Variants in TP73 observed in about 807,000 individuals in gnomAD.
TP73 encodes tumor protein p73, also known as p53-like transcription factor.
In TP73, 25 loss-of-function variants were observed where a neutral mutation model predicts 62.5. The ratio of observed to expected loss-of-function variants is 0.40; its 90% confidence interval spans 0.29 to 0.56. The LOEUF is 0.56. TP73 is among the 20% of genes least tolerant of loss of function. The pLI is 0.46. For synonymous variants in TP73, 423 were observed against 377.5 expected (o/e 1.12, Z -1.40); for missense variants, 754 against 913.3 (o/e 0.83, Z 2.25).
intron 1 of TP73, among the ~76,000 whole-genome samples, chr1:3,673,427 C>T (rs530018507): frequency 2.3e-4 from 35 of 152,296 alleles, no homozygotes; most frequent in Non-Finnish European, 4.0e-4. Flanking sequence ...TATGGGGCAT[C>T]CACGGTGTGC....
intron 1 of TP73, among the ~76,000 whole-genome samples, chr1:3,653,898 C>T (rs1318549640): frequency 2.6e-5 from 4 of 152,214 alleles, no homozygotes; most frequent in African/African-American, 7.2e-5. Flanking sequence ...TGGCTGGGCA[C>T]GGTAGCTCAC....
At chr1:3,718,129 C>A (rs1023122566) in intron 4 of TP73, among the ~76,000 whole-genome samples, 2 of 152,214 alleles carry the variant, frequency 1.3e-5, no homozygotes, top group Non-Finnish European at 2.9e-5. Context: ...CCAGTCCGAG[C>A]CCCCACTTCC....
At chr1:3,726,803 A>C (rs1641669238) in intron 6 of TP73, among the ~76,000 whole-genome samples, 1 of 135,566 alleles carries the variant, frequency 7.4e-6, no homozygotes, top group Admixed American at 7.4e-5. Context: ...GGTAGATAAT[A>C]AATGGGGGAG....
intron 9 of TP73, 47 bp downstream of exon 9, chr1:3,728,264 T>A: frequency 6.3e-7 from 1 of 1,582,296 alleles, no homozygotes. Context: ...GCCTCACCTC[T>A]GTCGTCTGCT....
chr1:3,704,738 G>A (rs1557539616), intron 3 of TP73, among the ~76,000 whole-genome samples: 1 of 152,184 alleles, frequency 6.6e-6, no homozygotes. Flanking sequence ...TGAGGAGTCT[G>A]GGAGCCGGGG....
chr1:3,686,920 G>A (rs974806123), intron 3 of TP73, among the ~76,000 whole-genome samples: 2 of 152,184 alleles, frequency 1.3e-5, no homozygotes, highest in Non-Finnish European at 2.9e-5. Context: ...ATGTCCAGTG[G>A]TGCCGGGCCC....
At chr1:3,728,728 A>G (rs1338874886) in intron 9 of TP73, among the ~76,000 whole-genome samples, 1 of 152,238 alleles carries the variant, frequency 6.6e-6, no homozygotes, top group Non-Finnish European at 1.5e-5. Flanking sequence ...TAATCCCGGC[A>G]TTTTGGGAGG....
intron 9 of TP73, 83 bp from the exon 10 acceptor site, chr1:3,729,244 C>T (rs1570642829): frequency 2.5e-6 from 4 of 1,581,086 alleles, no homozygotes; most frequent in East Asian, 4.5e-5. Flanking sequence ...CTTTGCCAAG[C>T]CCAGGTCCTC....
chr1:3,654,358 C>T (rs964991448), intron 1 of TP73, among the ~76,000 whole-genome samples: 22 of 152,092 alleles, frequency 1.4e-4, no homozygotes, highest in African/African-American at 4.6e-4. Context: ...CTCGTGAAAG[C>T]TACAGCGAAC....
At chr1:3,688,925 G>A (rs186188699) in intron 3 of TP73, among the ~76,000 whole-genome samples, 21 of 152,258 alleles carry the variant, frequency 1.4e-4, no homozygotes, top group African/African-American at 2.2e-4. Context: ...CCATCAGGCC[G>A]GCCCTGTGCA....
chr1:3,686,362 G>A (rs1455911652), intron 3 of TP73, among the ~76,000 whole-genome samples: 1 of 152,216 alleles, frequency 6.6e-6, no homozygotes, highest in Non-Finnish European at 1.5e-5. Flanking sequence ...CGGAGCAGGT[G>A]GTTTCAAGCT....
intron 1 of TP73, among the ~76,000 whole-genome samples, chr1:3,655,952 T>C (rs984690536): frequency 6.6e-6 from 1 of 151,912 alleles, no homozygotes; most frequent in Non-Finnish European, 1.5e-5. Flanking sequence ...CTGAGGCGGG[T>C]GGATCACGAG....
intron 3 of TP73, among the ~76,000 whole-genome samples, chr1:3,687,404 G>A (rs946065639): frequency 2.0e-5 from 3 of 152,218 alleles, no homozygotes; most frequent in Admixed American, 2.0e-4. Flanking sequence ...AAGCTCCCTC[G>A]TAGGCTCGCA....
At chr1:3,678,961 A>G (rs1171287210) in intron 1 of TP73, among the ~76,000 whole-genome samples, 1 of 152,074 alleles carries the variant, frequency 6.6e-6, no homozygotes, top group Non-Finnish European at 1.5e-5. Context: ...CCCACCCCAC[A>G]TGCTCCTGGT....
chr1:3,658,405 C>T (rs1008975821), intron 1 of TP73, among the ~76,000 whole-genome samples: 2 of 152,192 alleles, frequency 1.3e-5, no homozygotes, highest in Admixed American at 1.3e-4. Context: ...GGAGACTCAG[C>T]AGTAACCAGA....
chr1:3,677,903 C>T (rs966996955), intron 1 of TP73, among the ~76,000 whole-genome samples: 3 of 152,072 alleles, frequency 2.0e-5, no homozygotes, highest in African/African-American at 7.2e-5. Flanking sequence ...TGAGGTCTCC[C>T]TGTGTTGCCC....
In TP73 at chr1:3,733,366, T is replaced by C; in HGVS notation, c.*287T>C. 1 of 493,954 alleles carries C rather than the reference T, an allele frequency of 2.0e-6. No homozygotes were observed. Among genetic ancestry groups the C allele is most frequent in the Non-Finnish European group, 3.6e-6 (1 of 276,218 alleles). 30.6% of individuals were successfully genotyped at this position (493,954 alleles called of 1,614,324 possible). On this transcript the variant is annotated 3_prime_UTR_variant, in exon 14 of 14. Coordinates refer to ENST00000378295, the MANE Select transcript of TP73 (RefSeq NM_005427.4). ...TCTCAGCCCTGCCACTGCCCCGGCG[T>C]GCTCCATGGCAGGCGTGGGTGGGGA...
At chr1:3,731,372 C>T (rs1455415372) in intron 12 of TP73, 91 bp from the exon 13 acceptor site, 24 of 1,328,810 alleles carry the variant, frequency 1.8e-5, no homozygotes, top group Middle Eastern at 2.2e-4. Context: ...CGGCAGTCTC[C>T]GCCCCAGCCA....
intron 1 of TP73, among the ~76,000 whole-genome samples, chr1:3,680,604 C>T (rs536608273): frequency 6.6e-6 from 1 of 152,346 alleles, no homozygotes; most frequent in South Asian, 2.1e-4. Flanking sequence ...CCTTGGCCCA[C>T]ATACCTGCAC....
Sources: gnomAD v4.1 joint callset for allele counts (sites outside exome capture counted in the v4.1 genomes callset) on GRCh38, gnomAD v4.1.1 for gene constraint, MANE v1.5 for transcripts, NCBI Gene and HGNC (gene_info 2026-07-23, HGNC 2026-07-21) for gene names.